CNTNAP2: variants seen among roughly 807,000 people sequenced by gnomAD.
CNTNAP2 encodes the protein contactin-associated protein-like 2.
A neutral mutation model predicts 155.2 loss-of-function variants in CNTNAP2; 98 were observed. The observed-to-expected ratio is 0.63, with a 90% CI of 0.54 to 0.75. The LOEUF (loss-of-function observed/expected upper bound fraction) is 0.75, where lower values mean the gene tolerates loss of function less well. Ranked by LOEUF, CNTNAP2 falls within the 30% of genes least tolerant of loss-of-function variation. CNTNAP2 has a pLI of 0.00. For synonymous variants in CNTNAP2, 651 were observed against 631.2 expected, an observed-to-expected ratio of 1.03 and a Z score of -0.47; for missense variants, 1,727 against 1,688.1, an observed-to-expected ratio of 1.02 and a Z score of -0.40.
chr7:147,382,515 A>G (rs1796553096), intron 9 of CNTNAP2, among the ~76,000 whole-genome samples: 1 of 152,200 alleles, frequency 6.6e-6, no homozygotes, highest in Admixed American at 6.6e-5. Context: ...TATAGAGACA[A>G]TGACAGAATA....
chr7:147,304,212 A>AT lies in CNTNAP2; in HGVS notation c.1498+3932dup, dbSNP rs532745638. ...TGTTTAATCACCAAGAATTCTTTTA[A>AT]TTTTTTTTTTCTTGGGGATAAGCAG... On this transcript the variant is annotated intron_variant, in intron 9 of 23. Transcript: ENST00000361727. Among the ~76,000 whole-genome samples, 19 of 149,176 alleles carry AT rather than the reference A, an allele frequency of 1.3e-4. 1 individual carries two copies. The highest frequency in any genetic ancestry group is 8.5e-4 in the South Asian group (4 of 4,732).
At chr7:147,829,430 A>G (rs1237879638) in intron 13 of CNTNAP2, among the ~76,000 whole-genome samples, 1 of 152,212 alleles carries the variant, frequency 6.6e-6, no homozygotes, top group Non-Finnish European at 1.5e-5. Context: ...ATGTTGAATT[A>G]AAAGTCTTAA....
chr7:147,581,036 T>C (rs1469343057), intron 12 of CNTNAP2, among the ~76,000 whole-genome samples: 1 of 152,222 alleles, frequency 6.6e-6, no homozygotes, highest in Non-Finnish European at 1.5e-5. Flanking sequence ...TGGCACTTCA[T>C]GTGAACAATT....
intron 15 of CNTNAP2, among the ~76,000 whole-genome samples, chr7:148,088,615 G>A (rs1803781469): frequency 6.6e-6 from 1 of 151,810 alleles, no homozygotes; most frequent in South Asian, 2.1e-4. Flanking sequence ...ACTGAATCAT[G>A]ATGAAACAGA....
chr7:146,373,282 A>G (rs1795261678), intron 1 of CNTNAP2, among the ~76,000 whole-genome samples: 1 of 152,126 alleles, frequency 6.6e-6, no homozygotes. Flanking sequence ...CTATTTAGCT[A>G]TTTGGTGCCT....
intron 13 of CNTNAP2, among the ~76,000 whole-genome samples, chr7:147,858,044 A>G (rs1179224981): frequency 6.6e-6 from 1 of 152,208 alleles, no homozygotes; most frequent in Non-Finnish European, 1.5e-5. Flanking sequence ...TGGATGAGGT[A>G]TTACTTTCAA....
chr7:146,170,397 G>A (rs956554502), intron 1 of CNTNAP2, among the ~76,000 whole-genome samples: 1 of 152,026 alleles, frequency 6.6e-6, no homozygotes, highest in African/African-American at 2.4e-5. Flanking sequence ...CATTCCAACC[G>A]AAGGGCACAA....
chr7:148,119,602 T>G (rs562739377), intron 16 of CNTNAP2, among the ~76,000 whole-genome samples: 1 of 152,188 alleles, frequency 6.6e-6, no homozygotes, highest in Non-Finnish European at 1.5e-5. Context: ...CTGGGTCTGG[T>G]CTGAGAATGA....
At chr7:146,178,716 A>C (rs954663167) in intron 1 of CNTNAP2, among the ~76,000 whole-genome samples, 1 of 152,226 alleles carries the variant, frequency 6.6e-6, no homozygotes, top group African/African-American at 2.4e-5. Flanking sequence ...TGCTCAAAAT[A>C]TTACATATTT....
intron 22 of CNTNAP2, among the ~76,000 whole-genome samples, chr7:148,394,699 G>A (rs1199135916): frequency 6.6e-6 from 1 of 152,194 alleles, no homozygotes; most frequent in Non-Finnish European, 1.5e-5. Context: ...TCACCTGGGG[G>A]AAATTAGCAA....
rs553630909 is a variant in CNTNAP2, at chr7:146,534,357, T to TA, written c.98-239913dup. On this transcript the variant is annotated intron_variant, in intron 1 of 23. Coordinates refer to ENST00000361727, the MANE Select transcript of CNTNAP2 (RefSeq NM_014141.6). ...GAAACCTCCCATACTCCTGAGGCTTTAGGAACACCTGTCATGAAAGTGGGT... is the reference window on the plus strand; with the variant it reads ...GAAACCTCCCATACTCCTGAGGCTTTAAGGAACACCTGTCATGAAAGTGGGT... Among the ~76,000 whole-genome samples the TA allele has an allele frequency of 6.1e-4, 93 of 152,232 alleles. 1 individual carries two copies. The East Asian group carries it at 0.01, about 16-fold the overall frequency.
At chr7:147,492,405 G>C (rs1018095991) in intron 11 of CNTNAP2, among the ~76,000 whole-genome samples, 1 of 152,086 alleles carries the variant, frequency 6.6e-6, no homozygotes, top group East Asian at 1.9e-4. Flanking sequence ...GCTAACTATA[G>C]GAGTTATTCT....
intron 13 of CNTNAP2, among the ~76,000 whole-genome samples, chr7:147,692,726 T>C (rs950243989): frequency 1.3e-5 from 2 of 152,070 alleles, no homozygotes; most frequent in Admixed American, 1.3e-4. Flanking sequence ...GAGGGCTTTT[T>C]TCGGTATAGT....
chr7:147,929,108 A>AC (rs1800452168), intron 14 of CNTNAP2, among the ~76,000 whole-genome samples: 1 of 150,964 alleles, frequency 6.6e-6, no homozygotes, highest in South Asian at 2.1e-4. Context: ...AAAAAAAAAA[A>AC]AAAAAAAAAA....
intron 12 of CNTNAP2, among the ~76,000 whole-genome samples, chr7:147,601,646 T>C (rs200326601): frequency 1.9e-5 from 1 of 53,726 alleles, no homozygotes; most frequent in Non-Finnish European, 3.6e-5. Flanking sequence ...TAAAAAAAAA[T>C]ATATATATAT....
At chr7:148,190,534 G>A (rs1176818583) in intron 18 of CNTNAP2, 1 of 152,150 alleles carries the variant, frequency 6.6e-6, no homozygotes, top group African/African-American at 2.4e-5. Context: ...CTCTTAGAGC[G>A]ACAGAATCAA....
chr7:147,235,639 A>G (rs1803784474), intron 8 of CNTNAP2, among the ~76,000 whole-genome samples: 2 of 151,854 alleles, frequency 1.3e-5, no homozygotes, highest in Admixed American at 6.6e-5. Flanking sequence ...TCTCGCTTCT[A>G]TTTTTTCACA....
intron 21 of CNTNAP2, among the ~76,000 whole-genome samples, chr7:148,365,065 G>A (rs986187133): frequency 7.2e-5 from 11 of 152,172 alleles, no homozygotes; most frequent in African/African-American, 2.4e-4. Flanking sequence ...AGGGTCCGCG[G>A]CTTCATTCTT....
At chr7:148,330,769 A>T (rs1393272729) in intron 21 of CNTNAP2, among the ~76,000 whole-genome samples, 1 of 144,866 alleles carries the variant, frequency 6.9e-6, no homozygotes, top group African/African-American at 2.6e-5. Context: ...GATGGAATGG[A>T]CAGATGGAGT....
Sources: allele counts gnomAD v4.1 joint callset (sites outside exome capture counted in the v4.1 genomes callset), GRCh38; gene constraint gnomAD v4.1.1; transcripts MANE v1.5; gene names NCBI Gene and HGNC (gene_info 2026-07-23, HGNC 2026-07-21).